The following TRNT1 variants were observed in gnomAD, a reference collection of about 807,000 sequenced individuals.
TRNT1 encodes CCA tRNA nucleotidyltransferase 1, mitochondrial.
TRNT1 carries 44 observed loss-of-function variants against 45.6 expected under a neutral mutation model. That is an observed-to-expected ratio of 0.97 (90% CI 0.76 to 1.24). The LOEUF (loss-of-function observed/expected upper bound fraction) is 1.24, where lower values mean the gene tolerates loss of function less well. Ranked by LOEUF, TRNT1 falls within the 50% of genes most tolerant of loss-of-function variation. The probability of loss-of-function intolerance (pLI) is 0.00; values close to 1 mark genes in which losing one functional copy is unlikely to be tolerated. For missense variants in TRNT1, 633 were observed against 504.4 expected, an observed-to-expected ratio of 1.25 and a Z score of -2.44; for synonymous variants, 201 against 171.4, an observed-to-expected ratio of 1.17 and a Z score of -1.35.
chr3:3,144,782 C>T (rs1007248062), intron 5 of TRNT1, 72 bp downstream of exon 5: 1 of 1,372,162 alleles, frequency 7.3e-7, no homozygotes, highest in African/African-American at 1.5e-5. Context: ...TCATACGAAA[C>T]CCACAGCAGG....
chr3:3,147,335 A>G (rs1276638147), intron 6 of TRNT1, 115 bp from the exon 7 acceptor site: 3 of 1,181,254 alleles, frequency 2.5e-6, no homozygotes, highest in African/African-American at 1.5e-5. Flanking sequence ...CTGAACCTAT[A>G]TAATGTATCC....
Position 3,129,000 on chromosome 3 carries a change from T to G in TRNT1, c.-27-14T>G. 6.4e-7 allele frequency: 1 copy of G among 1,551,350 alleles called. No individual in the cohort carries two copies. The highest frequency in any genetic ancestry group is 8.7e-7 in the Non-Finnish European group (1 of 1,142,918). On this transcript the variant is annotated splice_polypyrimidine_tract_variant and intron_variant, in intron 1 of 7. Coordinates refer to ENST00000251607, the MANE Select transcript of TRNT1 (RefSeq NM_182916.3). ...TTTTAATTTCATTGGTATGCCTGTG[T>G]ATTTGCCTTGTAGATGTGTAGTTGG...
At chr3:3,130,084 C>A (rs1371713607) in intron 2 of TRNT1, 1 of 1,011,982 alleles carries the variant, frequency 9.9e-7, no homozygotes, top group Non-Finnish European at 1.4e-6. Context: ...TCAATGTTGT[C>A]TGCTGATGTT....
chr3:3,147,969 C>T lies in TRNT1; in HGVS notation c.1120C>T (p.Leu374Phe). The T allele has an allele frequency of 1.2e-6, 2 of 1,614,024 alleles. No homozygotes were observed. Among genetic ancestry groups the T allele is most frequent in the Non-Finnish European group, 1.7e-6 (2 of 1,179,908 alleles). Residue 374 changes from leucine to phenylalanine, a missense_variant, in exon 8 of 8, where the codon CTC (leucine) becomes TTC (phenylalanine). Physicochemically the swap from Leu to Phe is conservative, Grantham distance 22. Coordinates refer to ENST00000251607, the MANE Select transcript of TRNT1 (RefSeq NM_182916.3). ...ELLKYQGEHC[L>F]LKEMQQWSIP... ...ACTGAAGTACCAAGGAGAGCACTGT[C>T]TCCTAAAGGAAATGCAGCAGTGGTC...
intron 4 of TRNT1, 45 bp from the exon 5 acceptor site, chr3:3,144,539 T>G: frequency 6.5e-7 from 1 of 1,539,420 alleles, no homozygotes. Flanking sequence ...TTTCAAATTC[T>G]TATTTGCCAA....
chr3:3,150,898 T>G (rs927937457), downstream of TRNT1: 1 of 1,613,862 alleles, frequency 6.2e-7, no homozygotes, highest in African/African-American at 1.3e-5. Context: ...CTGGACTTAT[T>G]TCATCTTCAG....
downstream of TRNT1, chr3:3,149,044 A>G (rs1706280583): frequency 6.6e-6 from 1 of 151,752 alleles, no homozygotes; most frequent in South Asian, 2.1e-4. Context: ...CAGCTGCTAT[A>G]ATTTCAGCTG....
intron 4 of TRNT1, among the ~76,000 whole-genome samples, chr3:3,142,627 T>C (rs1364747044): frequency 2.0e-5 from 3 of 152,240 alleles, no homozygotes; most frequent in East Asian, 1.9e-4. Context: ...CCAAGCCTTA[T>C]TGGATCAAGC....
At chr3:3,151,331 GCCAAGACCACATTCTAAC>G (rs1216922346), downstream of TRNT1, among the ~76,000 whole-genome samples, 1 of 152,070 alleles carries the variant, frequency 6.6e-6, no homozygotes, top group Admixed American at 6.6e-5. Flanking sequence ...ATTGCTGGTT[GCCAAGACCACATTCTAAC>G]TTGTACTGGC....
intron 2 of TRNT1, among the ~76,000 whole-genome samples, chr3:3,134,089 A>G (rs779377538): frequency 6.6e-6 from 1 of 152,204 alleles, no homozygotes; most frequent in Non-Finnish European, 1.5e-5. Context: ...GAGATTCTGC[A>G]TTCTTTGACT....
intron 3 of TRNT1, among the ~76,000 whole-genome samples, chr3:3,139,119 C>T (rs1260576345): frequency 2.6e-5 from 4 of 152,124 alleles, no homozygotes; most frequent in African/African-American, 7.2e-5. Flanking sequence ...TGCTTCATTC[C>T]CATGAGCATC....
intron 2 of TRNT1, 56 bp from the exon 3 acceptor site, chr3:3,137,204 T>G (rs1199251006): frequency 1.4e-6 from 2 of 1,425,464 alleles, no homozygotes; most frequent in African/African-American, 2.9e-5. Flanking sequence ...GTGGTTAAAA[T>G]AAACACATTG....
downstream of TRNT1, among the ~76,000 whole-genome samples, chr3:3,151,810 A>G (rs1706572981): frequency 7.9e-6 from 1 of 125,808 alleles, no homozygotes; most frequent in South Asian, 3.2e-4. Context: ...AGGATCATAG[A>G]GAATCATTAA....
rs140435051 is a variant in TRNT1 at position 3,148,255 on chromosome 3, T to C, written c.*101T>C. 0.012 allele frequency: 15,697 copies of C among 1,291,938 alleles called. 207 individuals carry two copies. The highest frequency in any genetic ancestry group is 0.025 in the South Asian group (1,670 of 68,132). 80.0% of individuals were successfully genotyped at this position (1,291,938 alleles called of 1,614,324 possible). ...AGACTACACCAGAATAAAAGACAGT[T>C]TAGGGGACCTCTGTAGAACAACAAG... On this transcript the variant is annotated 3_prime_UTR_variant, in exon 8 of 8. Transcript: ENST00000251607.
chr3:3,151,828 C>CAAAG (rs66715673), downstream of TRNT1, among the ~76,000 whole-genome samples: 1 of 42,596 alleles, frequency 2.3e-5, no homozygotes, highest in Non-Finnish European at 5.7e-5. Context: ...TAAGCTGAAG[C>CAAAG]AAACAAACAA....
At chr3:3,136,140 T>G (rs981644482) in intron 2 of TRNT1, among the ~76,000 whole-genome samples, 4 of 152,140 alleles carry the variant, frequency 2.6e-5, no homozygotes, top group African/African-American at 7.2e-5. Flanking sequence ...TCATGGACAG[T>G]GTTCATGTTT....
intron 2 of TRNT1, chr3:3,129,803 ATG>A (rs1237069269): frequency 2.7e-5 from 38 of 1,414,142 alleles, no homozygotes; most frequent in Non-Finnish European, 3.4e-5. Flanking sequence ...ATTGTTAGGC[ATG>A]TGAAGTGCTT....
chr3:3,146,195 C>T (rs1706008569), intron 5 of TRNT1, among the ~76,000 whole-genome samples: 1 of 151,528 alleles, frequency 6.6e-6, no homozygotes, highest in Non-Finnish European at 1.5e-5. Context: ...TTAGTTCTTG[C>T]TAACCTCAAA....
chr3:3,128,760 C>T (rs564600309), intron 1 of TRNT1, among the ~76,000 whole-genome samples: 30 of 115,012 alleles, frequency 2.6e-4, no homozygotes, highest in Admixed American at 6.1e-4. Context: ...CTCAACCAGT[C>T]AGTCAGTACT....
Sources: gnomAD v4.1 joint callset for allele counts (sites outside exome capture counted in the v4.1 genomes callset) on GRCh38, gnomAD v4.1.1 for gene constraint, MANE v1.5 for transcripts, NCBI Gene and HGNC (gene_info 2026-07-23, HGNC 2026-07-21) for gene names.